SEMA6D: variants seen among roughly 807,000 people sequenced by gnomAD.
SEMA6D encodes the protein semaphorin 6D, also known as semaphorin-6D.
In SEMA6D, 35 loss-of-function variants were observed where a neutral mutation model predicts 106.6. The observed-to-expected ratio is 0.33, with a 90% CI of 0.25 to 0.44. The LOEUF is 0.44. SEMA6D is among the 20% of genes least tolerant of loss of function. The probability of loss-of-function intolerance (pLI) is 1.00; values close to 1 mark genes in which losing one functional copy is unlikely to be tolerated. For missense variants in SEMA6D, 1,185 were observed against 1,345.9 expected (o/e 0.88, Z 1.87); for synonymous variants, 499 against 487.7 (o/e 1.02, Z -0.31).
chr15:47,621,418 A>C (rs1452917148), intron 4 of SEMA6D, among the ~76,000 whole-genome samples: 1 of 152,112 alleles, frequency 6.6e-6, no homozygotes, highest in Non-Finnish European at 1.5e-5. Flanking sequence ...AGCTAAATAC[A>C]TAAGCCCGGT....
intron 3 of SEMA6D, among the ~76,000 whole-genome samples, chr15:47,524,864 T>C (rs914650169): frequency 6.6e-6 from 1 of 152,182 alleles, no homozygotes; most frequent in Non-Finnish European, 1.5e-5. Flanking sequence ...GTAGGAGGTA[T>C]TTATGTCTTG....
intron 1 of SEMA6D, among the ~76,000 whole-genome samples, chr15:47,282,103 C>T (rs1476760344): frequency 6.6e-6 from 1 of 152,078 alleles, no homozygotes; most frequent in African/African-American, 2.4e-5. Context: ...ACTCTCTAAA[C>T]ACAAAGAATT....
intron 1 of SEMA6D, among the ~76,000 whole-genome samples, chr15:47,728,363 A>C (rs1400740243): frequency 6.6e-6 from 1 of 152,226 alleles, no homozygotes; most frequent in Non-Finnish European, 1.5e-5. Flanking sequence ...ACTTTGGGGA[A>C]TCACTTTATT....
In SEMA6D at chr15:47,340,288, A is replaced by G. The variant is rs1388302092; in HGVS notation, c.-238-72105A>G. ...GAATGGAGAGTGAGCCATGTAAACC[A>G]TTCTTCAGAACAAGCATTGCCTGTG... On this transcript the variant is annotated intron_variant, in intron 1 of 19. Transcript: ENST00000558014. Among the ~76,000 whole-genome samples the G allele has an allele frequency of 4.6e-5, 7 of 152,206 alleles. No individual in the cohort carries two copies. The East Asian group carries it at 1.4e-3, about 29-fold the overall frequency.
intron 2 of SEMA6D, among the ~76,000 whole-genome samples, chr15:47,417,588 G>T (rs1331452350): frequency 6.6e-6 from 1 of 151,936 alleles, no homozygotes; most frequent in African/African-American, 2.4e-5. Context: ...AGTAATTTTA[G>T]AATTGTTCAG....
At chr15:47,282,354 T>C (rs575546919) in intron 1 of SEMA6D, among the ~76,000 whole-genome samples, 60 of 152,160 alleles carry the variant, frequency 3.9e-4, no homozygotes, top group Non-Finnish European at 7.1e-4. Context: ...TGCTCAACAT[T>C]AGGCTTGTGA....
intron 1 of SEMA6D, among the ~76,000 whole-genome samples, chr15:47,336,847 T>G: frequency 6.6e-6 from 1 of 152,152 alleles, no homozygotes; most frequent in East Asian, 1.9e-4. Context: ...TGACAGCAGT[T>G]TCAAAGTGAA....
intron 3 of SEMA6D, among the ~76,000 whole-genome samples, chr15:47,578,348 A>ACTATTTAGTTCTGG (rs1276352817): frequency 6.6e-6 from 1 of 152,212 alleles, no homozygotes; most frequent in Non-Finnish European, 1.5e-5. Flanking sequence ...CATGAGTCAA[A>ACTATTTAGTTCTGG]TCCCTATTTA....
intron 1 of SEMA6D, among the ~76,000 whole-genome samples, chr15:47,282,365 T>C (rs1001289137): frequency 6.6e-6 from 1 of 152,156 alleles, no homozygotes. Flanking sequence ...AGGCTTGTGA[T>C]ATTAATCCTG....
At chr15:47,555,510 G>A (rs935640649) in intron 3 of SEMA6D, among the ~76,000 whole-genome samples, 1 of 152,136 alleles carries the variant, frequency 6.6e-6, no homozygotes, top group Non-Finnish European at 1.5e-5. Flanking sequence ...TGAACTAAGT[G>A]ATCATTCCTG....
chr15:47,350,556 C>T (rs2038283249), intron 1 of SEMA6D, among the ~76,000 whole-genome samples: 1 of 152,142 alleles, frequency 6.6e-6, no homozygotes, highest in African/African-American at 2.4e-5. Context: ...TATACCTGGG[C>T]TTTCCACTTA....
At chr15:47,743,396 G>C (rs553255910) in intron 1 of SEMA6D, among the ~76,000 whole-genome samples, 1 of 151,410 alleles carries the variant, frequency 6.6e-6, no homozygotes, top group African/African-American at 2.4e-5. Context: ...TTTTTTTCTT[G>C]AGAAGGCACA....
At chr15:47,580,264 A>G (rs1378005056) in intron 3 of SEMA6D, among the ~76,000 whole-genome samples, 2 of 152,148 alleles carry the variant, frequency 1.3e-5, no homozygotes, top group Non-Finnish European at 2.9e-5. Flanking sequence ...TGAGCTCCAA[A>G]AGCCTTTCCA....
intron 3 of SEMA6D, among the ~76,000 whole-genome samples, chr15:47,572,134 T>G (rs1166222733): frequency 6.6e-6 from 1 of 152,156 alleles, no homozygotes; most frequent in Non-Finnish European, 1.5e-5. Context: ...GTAAAAGCCA[T>G]TGGGTCAGTA....
At chr15:47,242,080 A>T (rs2032945620) in intron 1 of SEMA6D, among the ~76,000 whole-genome samples, 1 of 152,072 alleles carries the variant, frequency 6.6e-6, no homozygotes, top group Non-Finnish European at 1.5e-5. Flanking sequence ...GGAATTTGAA[A>T]CCCACCTTTA....
intron 1 of SEMA6D, among the ~76,000 whole-genome samples, chr15:47,251,274 G>C (rs1170049411): frequency 6.6e-6 from 1 of 152,126 alleles, no homozygotes; most frequent in Non-Finnish European, 1.5e-5. Context: ...GCCTCTGCTT[G>C]AACTCATCCT....
At chr15:47,286,949 C>T (rs1050784967) in intron 1 of SEMA6D, among the ~76,000 whole-genome samples, 1 of 152,144 alleles carries the variant, frequency 6.6e-6, no homozygotes, top group Non-Finnish European at 1.5e-5. Context: ...ATCAAGGTGT[C>T]TAGTGGAAGA....
chr15:47,423,882 A>G (rs979632), intron 2 of SEMA6D, among the ~76,000 whole-genome samples: 75,937 of 151,772 alleles, frequency 0.5, 19,713 homozygotes, highest in South Asian at 0.63. Flanking sequence ...TTCTTGCTCA[A>G]AGTACTAAAT....
chr15:47,220,751 G>A (rs955381000), intron 1 of SEMA6D, among the ~76,000 whole-genome samples: 11 of 152,176 alleles, frequency 7.2e-5, no homozygotes, highest in East Asian at 1.9e-4. Context: ...GCAAACTAGC[G>A]TGCTATCCTG....
Sources: gnomAD v4.1 joint callset for allele counts (sites outside exome capture counted in the v4.1 genomes callset) on GRCh38, gnomAD v4.1.1 for gene constraint, MANE v1.5 for transcripts, NCBI Gene and HGNC (gene_info 2026-07-23, HGNC 2026-07-21) for gene names.